MAF: variants seen among roughly 807,000 people sequenced by gnomAD.
The protein encoded by MAF is MAF bZIP transcription factor, also known as transcription factor Maf.
In MAF, 10 loss-of-function variants were observed where a neutral mutation model predicts 22.0. The ratio of observed to expected loss-of-function variants is 0.45; its 90% CI spans 0.28 to 0.77. MAF has a LOEUF of 0.77. Ranked by LOEUF, MAF falls within the 30% of genes least tolerant of loss-of-function variation. MAF has a pLI of 0.12. For synonymous variants in MAF, 337 were observed against 255.8 expected (o/e 1.32, Z -3.03); for missense variants, 544 against 548.4 (o/e 0.99, Z 0.08).
the MAF span, among the ~76,000 whole-genome samples, chr16:79,434,962 G>T: frequency 1.3e-5 from 2 of 152,130 alleles, no homozygotes; most frequent in African/African-American, 4.8e-5. Flanking sequence ...TGCGACTGGT[G>T]ATGAGATCAC....
chr16:79,383,714 C>T, the MAF span, among the ~76,000 whole-genome samples: 1 of 152,142 alleles, frequency 6.6e-6, no homozygotes, highest in Non-Finnish European at 1.5e-5. Flanking sequence ...TGTGTTTACG[C>T]TGGTCCTCTT....
At chr16:79,338,632 CAA>C in the MAF span, among the ~76,000 whole-genome samples, 1 of 150,722 alleles carries the variant, frequency 6.6e-6, no homozygotes, top group African/African-American at 2.5e-5. Context: ...AGAGAATAAA[CAA>C]AAGAGTTGAG....
chr16:79,532,179 C>A, the MAF span, among the ~76,000 whole-genome samples: 3 of 152,134 alleles, frequency 2.0e-5, no homozygotes, highest in Non-Finnish European at 4.4e-5. Flanking sequence ...CAAACTGACC[C>A]CAGTAGTGCA....
chr16:79,515,325 A>T, the MAF span, among the ~76,000 whole-genome samples: 1 of 152,164 alleles, frequency 6.6e-6, no homozygotes, highest in Admixed American at 6.5e-5. Context: ...CCACTTATGG[A>T]ATTTTTGACT....
At chr16:79,316,731 C>T in the MAF span, among the ~76,000 whole-genome samples, 1 of 152,026 alleles carries the variant, frequency 6.6e-6, no homozygotes, top group African/African-American at 2.4e-5. Flanking sequence ...ATTCAGTTGG[C>T]CTTACAGAGT....
the MAF span, among the ~76,000 whole-genome samples, chr16:79,248,258 C>T: frequency 5.3e-5 from 8 of 151,794 alleles, no homozygotes; most frequent in Admixed American, 2.6e-4. Flanking sequence ...TTAAATGATC[C>T]TACCTGATAA....
At position 79,600,209 on chromosome 16, in the gene MAF, A is replaced by G. The variant is rs554972730; in HGVS notation, c.-307T>C. The stretch of plus-strand genomic sequence containing the variant: ...CGAGCCGGCGGCTTCAGGCTCGGGA[A>G]GATCCTCCGCGAGCTGCGGTGGCGG... On this transcript the variant is annotated 5_prime_UTR_variant, in exon 1 of 2. Transcript: ENST00000326043. 838 of 318,376 alleles carry G rather than the reference A, an allele frequency of 2.6e-3. 8 individuals carry two copies. Among genetic ancestry groups the G allele is most frequent in the African/African-American group, 0.017 (780 of 46,138 alleles). 19.7% of individuals were successfully genotyped at this position (318,376 alleles called of 1,614,324 possible). A position where few individuals can be genotyped will look rare whatever the true frequency, so the allele number is the denominator to read the frequency against.
the MAF span, among the ~76,000 whole-genome samples, chr16:79,511,929 C>A: frequency 6.6e-6 from 1 of 152,146 alleles, no homozygotes; most frequent in Non-Finnish European, 1.5e-5. Context: ...CAGCAAAATA[C>A]CAGTCACAGA....
chr16:79,252,545 A>G, the MAF span, among the ~76,000 whole-genome samples: 1 of 152,026 alleles, frequency 6.6e-6, no homozygotes, highest in Non-Finnish European at 1.5e-5. Context: ...GCTGGAGTGC[A>G]GTAGCGCCAT....
At chr16:79,223,974 A>C in the MAF span, among the ~76,000 whole-genome samples, 1 of 152,208 alleles carries the variant, frequency 6.6e-6, no homozygotes, top group African/African-American at 2.4e-5. Context: ...TATTGCAAAC[A>C]ATAGGAAAAG....
At chr16:79,226,102 C>T in the MAF span, among the ~76,000 whole-genome samples, 1 of 151,996 alleles carries the variant, frequency 6.6e-6, no homozygotes, top group African/African-American at 2.4e-5. Flanking sequence ...CAGTACTGTG[C>T]ACAGTAGTAA....
chr16:79,219,219 T>C, the MAF span, among the ~76,000 whole-genome samples: 1 of 152,238 alleles, frequency 6.6e-6, no homozygotes. Flanking sequence ...TTCCTGATTT[T>C]ATCTGATGTT....
the MAF span, among the ~76,000 whole-genome samples, chr16:79,371,294 T>C: frequency 2.0e-5 from 3 of 152,114 alleles, no homozygotes; most frequent in Non-Finnish European, 4.4e-5. Context: ...GACCCTCCCT[T>C]GAGGTCAGAT....
chr16:79,584,191 A>G (rs1912701640), downstream of MAF, among the ~76,000 whole-genome samples: 1 of 152,188 alleles, frequency 6.6e-6, no homozygotes, highest in Admixed American at 6.5e-5. Context: ...TGTCAGAAAT[A>G]AGCCATGAAG....
the MAF span, among the ~76,000 whole-genome samples, chr16:79,226,895 T>C: frequency 6.6e-6 from 1 of 152,132 alleles, no homozygotes; most frequent in African/African-American, 2.4e-5. Flanking sequence ...GGTCCAGTCA[T>C]GGAGCCTCCA....
the MAF span, among the ~76,000 whole-genome samples, chr16:79,571,309 A>G: frequency 3.3e-5 from 5 of 152,052 alleles, no homozygotes; most frequent in Non-Finnish European, 5.9e-5. Context: ...TCTCTTTTAC[A>G]TAGTGATCCC....
the MAF span, among the ~76,000 whole-genome samples, chr16:79,467,288 A>G: frequency 0.04 from 6,123 of 152,128 alleles, 345 homozygotes; most frequent in African/African-American, 0.13. Flanking sequence ...TCACTGCCTC[A>G]ATCATACAGT....
the MAF span, among the ~76,000 whole-genome samples, chr16:79,510,402 G>C: frequency 2.0e-5 from 3 of 152,318 alleles, no homozygotes; most frequent in South Asian, 6.2e-4. Context: ...TCCTGGAGGT[G>C]TGGTATCTCC....
the MAF span, among the ~76,000 whole-genome samples, chr16:79,544,724 G>C: frequency 7.0e-6 from 1 of 143,370 alleles, no homozygotes; most frequent in African/African-American, 2.6e-5. Flanking sequence ...AGTAAGCTGA[G>C]ATTGCACCAC....
Sources: allele counts gnomAD v4.1 joint callset (sites outside exome capture counted in the v4.1 genomes callset), GRCh38; gene constraint gnomAD v4.1.1; transcripts MANE v1.5; gene names NCBI Gene and HGNC (gene_info 2026-07-23, HGNC 2026-07-21).